SLCO1B1: variants seen among roughly 807,000 people sequenced by gnomAD.
The protein encoded by SLCO1B1 is solute carrier organic anion transporter family member 1B1.
SLCO1B1 carries 81 observed loss-of-function variants against 70.1 expected under a neutral mutation model. The ratio of observed to expected loss-of-function variants is 1.16; its 90% CI spans 0.97 to 1.39. SLCO1B1 has a LOEUF of 1.39. SLCO1B1 is among the 40% of genes most tolerant of loss of function. The pLI, the probability that SLCO1B1 is intolerant of heterozygous loss-of-function variation, is 0.00. For missense variants in SLCO1B1, 895 were observed against 799.6 expected (o/e 1.12, Z -1.44); for synonymous variants, 283 against 271.5 (o/e 1.04, Z -0.42).
rs1485246805 is a variant in SLCO1B1, at chr12:21,135,608, T to G, written c.-62+4372T>G. On this transcript the variant is annotated intron_variant, in intron 1 of 14. Coordinates refer to ENST00000256958, the MANE Select transcript of SLCO1B1 (RefSeq NM_006446.5). ...AGGTAATGGCCTTCTTTGTCTCTTT[T>G]GATCTTTGTTGGTATAAAGTCTGTT... is the stretch of plus-strand genomic sequence containing the variant. 3.3e-5 allele frequency among the ~76,000 whole-genome samples: 5 copies of G among 152,196 alleles called. No homozygotes were observed. In the East Asian group the frequency reaches 9.6e-4, roughly 29 times the overall value.
chr12:21,186,603 T>C (rs1343410622), intron 7 of SLCO1B1, among the ~76,000 whole-genome samples: 1 of 152,132 alleles, frequency 6.6e-6, no homozygotes, highest in East Asian at 1.9e-4. Context: ...ATAATGCAGA[T>C]TGAGGTCTTC....
intron 11 of SLCO1B1, among the ~76,000 whole-genome samples, chr12:21,214,656 C>A (rs1429162855): frequency 6.6e-6 from 1 of 151,454 alleles, no homozygotes; most frequent in African/African-American, 2.4e-5. Flanking sequence ...GCGCCCCTCC[C>A]CCAGCCTCGC....
chr12:21,136,748 G>A (rs1940228407), intron 1 of SLCO1B1, among the ~76,000 whole-genome samples: 1 of 151,970 alleles, frequency 6.6e-6, no homozygotes, highest in South Asian at 2.1e-4. Context: ...TTTTTTCAAA[G>A]CTTTTAACTT....
intron 2 of SLCO1B1, among the ~76,000 whole-genome samples, chr12:21,163,212 T>C (rs1940643324): frequency 6.6e-6 from 1 of 152,182 alleles, no homozygotes; most frequent in Admixed American, 6.6e-5. Context: ...TTCTTTCTTT[T>C]AATGACATTT....
rs752578928 is a variant in SLCO1B1 at position 21,172,646 on chromosome 12, T to A, written c.85-4T>A. On this transcript the variant is annotated splice_polypyrimidine_tract_variant and splice_region_variant and intron_variant, in intron 2 of 14. Coordinates refer to ENST00000256958, the MANE Select transcript of SLCO1B1 (RefSeq NM_006446.5). ...TTTCCCCCTTTCCTTCTGATTTTTCTTAGATGTTCTTGGCAGCTCTGTCAC... is the reference window on the plus strand; with the variant it reads ...TTTCCCCCTTTCCTTCTGATTTTTCATAGATGTTCTTGGCAGCTCTGTCAC... 6.2e-7 allele frequency: 1 copy of A among 1,613,772 alleles called. No homozygotes were observed.
intron 14 of SLCO1B1, among the ~76,000 whole-genome samples, chr12:21,235,321 G>A (rs1941586462): frequency 6.6e-6 from 1 of 150,718 alleles, no homozygotes; most frequent in African/African-American, 2.4e-5. Context: ...TTTTTAAACT[G>A]TTGTTTGTTT....
chr12:21,197,249 A>G (rs1417886053), intron 8 of SLCO1B1, 61 bp downstream of exon 8: 1 of 1,582,766 alleles, frequency 6.3e-7, no homozygotes, highest in African/African-American at 1.4e-5. Flanking sequence ...AGGAAGAATG[A>G]GTATTCCAAA....
intron 14 of SLCO1B1, among the ~76,000 whole-genome samples, chr12:21,235,212 T>C (rs1941584727): frequency 6.6e-6 from 1 of 151,912 alleles, no homozygotes; most frequent in African/African-American, 2.4e-5. Context: ...ATTTATTTTA[T>C]AAATATGATT....
chr12:21,227,432 A>C (rs972839888), intron 14 of SLCO1B1, among the ~76,000 whole-genome samples: 1 of 152,116 alleles, frequency 6.6e-6, no homozygotes, highest in Non-Finnish European at 1.5e-5. Context: ...CCTAGGATCA[A>C]ATTTACCAAA....
chr12:21,165,966 T>G (rs1940679612), intron 2 of SLCO1B1, among the ~76,000 whole-genome samples: 1 of 151,020 alleles, frequency 6.6e-6, no homozygotes, highest in African/African-American at 2.4e-5. Flanking sequence ...TCCGCAAACT[T>G]GAAGATAAGA....
chr12:21,217,074 G>A (rs1207164449), intron 11 of SLCO1B1, 45 bp from the exon 12 acceptor site: 3 of 1,447,528 alleles, frequency 2.1e-6, no homozygotes, highest in South Asian at 1.1e-5. Context: ...AGCACTGTTA[G>A]GTCTTGCAAA....
intron 14 of SLCO1B1, among the ~76,000 whole-genome samples, chr12:21,228,986 G>A (rs1052218861): frequency 6.7e-6 from 1 of 150,118 alleles, no homozygotes. Flanking sequence ...TTGCTTGATT[G>A]TGTAAAGTGG....
chr12:21,146,509 G>T (rs1940384924), intron 2 of SLCO1B1, among the ~76,000 whole-genome samples: 1 of 151,478 alleles, frequency 6.6e-6, no homozygotes, highest in Non-Finnish European at 1.5e-5. Flanking sequence ...TTTTCTTTTT[G>T]ATTTTCCCAA....
chr12:21,168,284 A>G (rs2121090748), intron 2 of SLCO1B1, among the ~76,000 whole-genome samples: 1 of 152,204 alleles, frequency 6.6e-6, no homozygotes, highest in African/African-American at 2.4e-5. Context: ...TGTATACCAC[A>G]TTTTCTTTAT....
rs1023507281 is a variant in SLCO1B1 at position 21,239,256 on chromosome 12, T to C, written c.*67T>C. 62 of 1,122,394 alleles carry C rather than the reference T, an allele frequency of 5.5e-5. No individual in the cohort carries two copies. Among genetic ancestry groups the C allele is most frequent in the Non-Finnish European group, 7.9e-5 (58 of 733,922 alleles). 69.5% of individuals were successfully genotyped at this position (1,122,394 alleles called of 1,614,324 possible). A position where few individuals can be genotyped will look rare whatever the true frequency, so the allele number is the denominator to read the frequency against. ...GCATTGCATTGATTCAGTAAGATGT[T>C]ATTTTTGAGGAGTTCCTGGTCCTTT... On this transcript the variant is annotated 3_prime_UTR_variant, in exon 15 of 15. Transcript: ENST00000256958.
At position 21,222,372 on chromosome 12, in the gene SLCO1B1, GAAAAAAAAA is replaced by G. The variant is rs4149102; in HGVS notation, c.1747+26_1747+34del. On this transcript the variant is annotated intron_variant, in intron 13 of 14. Transcript: ENST00000256958. ...TGGTTATACGAGCACTAGGTATGAT[GAAAAAAAAA>G]AAAAAAAAAAAAAAAAATATATATA... The G allele has an allele frequency of 1.8e-3, 44 of 24,940 alleles. No individual in the cohort carries two copies. Among genetic ancestry groups the G allele is most frequent in the African/African-American group, 0.012 (40 of 3,246 alleles). The allele number at this position is 24,940 out of a possible 1,614,324, so 1.5% of individuals were successfully genotyped here. A position where few individuals can be genotyped will look rare whatever the true frequency, so the allele number is the denominator to read the frequency against.
At chr12:21,165,244 C>T (rs948813547) in intron 2 of SLCO1B1, among the ~76,000 whole-genome samples, 3 of 152,098 alleles carry the variant, frequency 2.0e-5, no homozygotes, top group Admixed American at 6.6e-5. Context: ...TGCCAATGCA[C>T]ATTTTATTTG....
chr12:21,174,908 A>G lies in SLCO1B1; in HGVS notation c.359+199A>G, dbSNP rs10466794. Among the ~76,000 whole-genome samples, 832 of 149,956 alleles carry G rather than the reference A, an allele frequency of 5.5e-3. 9 individuals carry two copies. Among genetic ancestry groups the G allele is most frequent in the African/African-American group, 0.019 (784 of 41,364 alleles). On this transcript the variant is annotated intron_variant, in intron 4 of 14. Transcript: ENST00000256958. ...TAGCTTTCATATACTTTGAAATAAC[A>G]AAAAGACTAAACTGTAGAGTTTCAA...
chr12:21,166,507 T>C (rs1940688196), intron 2 of SLCO1B1, among the ~76,000 whole-genome samples: 1 of 152,122 alleles, frequency 6.6e-6, no homozygotes, highest in South Asian at 2.1e-4. Context: ...CTGAAGAAGA[T>C]ATAGAGACAA....
Sources: gnomAD v4.1 joint callset for allele counts (sites outside exome capture counted in the v4.1 genomes callset) on GRCh38, gnomAD v4.1.1 for gene constraint, MANE v1.5 for transcripts, NCBI Gene and HGNC (gene_info 2026-07-23, HGNC 2026-07-21) for gene names.